The following FSTL5 variants were observed in gnomAD, a reference collection of about 807,000 sequenced individuals.
FSTL5 encodes the protein follistatin-related protein 5.
In FSTL5, 62 loss-of-function variants were observed where a neutral mutation model predicts 89.1. That is an observed-to-expected ratio of 0.70 (90% confidence interval 0.57 to 0.86). The LOEUF is 0.86. Ranked by LOEUF, FSTL5 falls within the 40% of genes least tolerant of loss-of-function variation. The probability of loss-of-function intolerance (pLI) is 0.00; values close to 1 mark genes in which losing one functional copy is unlikely to be tolerated. For missense variants in FSTL5, 1,057 were observed against 1,001.6 expected (o/e 1.06, Z -0.75); for synonymous variants, 383 against 346.2 (o/e 1.11, Z -1.18).
intron 1 of FSTL5, among the ~76,000 whole-genome samples, chr4:162,161,721 T>C (rs180828261): frequency 1.3e-5 from 2 of 152,078 alleles, no homozygotes; most frequent in East Asian, 3.9e-4. Flanking sequence ...AATGTTTATA[T>C]ATAGTATGCC....
In FSTL5 at chr4:161,687,836, T is replaced by C. The variant is rs920904630; in HGVS notation, c.728-31342A>G. 2.6e-5 allele frequency among the ~76,000 whole-genome samples: 4 copies of C among 152,306 alleles called. No homozygotes were observed. The South Asian group carries it at 8.3e-4, about 32-fold the overall frequency. The stretch of plus-strand genomic sequence containing the variant: ...CCCCAAAACTCACAAGTTGGAAACC[T>C]ATTTCACAATGCAACAGTGCTGGAA... On this transcript the variant is annotated intron_variant, in intron 6 of 15. Transcript: ENST00000306100.
intron 3 of FSTL5, among the ~76,000 whole-genome samples, chr4:161,943,502 G>GT (rs1341564312): frequency 9.0e-6 from 1 of 110,808 alleles, no homozygotes; most frequent in East Asian, 3.0e-4. Context: ...ACTCCTATAA[G>GT]TTTTTTATTG....
intron 4 of FSTL5, among the ~76,000 whole-genome samples, chr4:161,776,970 T>C (rs914429660): frequency 4.6e-5 from 7 of 151,908 alleles, no homozygotes; most frequent in African/African-American, 1.7e-4. Context: ...ATCTTATTCC[T>C]TCTAACTGTA....
intron 6 of FSTL5, among the ~76,000 whole-genome samples, chr4:161,754,979 A>G (rs1297201024): frequency 5.9e-5 from 9 of 152,116 alleles, no homozygotes; most frequent in African/African-American, 2.2e-4. Context: ...TTGTCCTGGA[A>G]AATGAACACA....
At chr4:161,500,283 T>A in intron 11 of FSTL5, 149 bp from the exon 12 acceptor site, 2 of 562,356 alleles carry the variant, frequency 3.6e-6, no homozygotes, top group Non-Finnish European at 6.2e-6. Context: ...ACCCTTACTG[T>A]ATACTCGCAC....
chr4:162,017,142 C>T (rs891678280), intron 3 of FSTL5, among the ~76,000 whole-genome samples: 3 of 152,094 alleles, frequency 2.0e-5, no homozygotes, highest in Non-Finnish European at 4.4e-5. Context: ...TGCAAGTACC[C>T]CTGTGGTTAC....
rs184264339 is a variant in FSTL5, at chr4:161,384,919, A to T, written c.*828T>A. 6.6e-6 allele frequency: 1 copy of T among 152,334 alleles called. No individual in the cohort carries two copies. The highest frequency in any genetic ancestry group is 1.9e-4 in the East Asian group (1 of 5,182). 9.4% of individuals were successfully genotyped at this position (152,334 alleles called of 1,614,324 possible). On this transcript the variant is annotated 3_prime_UTR_variant, in exon 16 of 16. Coordinates refer to ENST00000306100, the MANE Select transcript of FSTL5 (RefSeq NM_020116.5). ...ATAATCTATTCTGCTAGTAATAAACATCTGTAGGCAGTTGACATCCCAGAC... is the reference window on the plus strand; with the variant it reads ...ATAATCTATTCTGCTAGTAATAAACTTCTGTAGGCAGTTGACATCCCAGAC...
chr4:161,593,398 T>C (rs550175070), intron 7 of FSTL5, among the ~76,000 whole-genome samples: 1 of 152,180 alleles, frequency 6.6e-6, no homozygotes, highest in African/African-American at 2.4e-5. Context: ...CTCAAACTGA[T>C]ACCCACTACG....
intron 6 of FSTL5, among the ~76,000 whole-genome samples, chr4:161,748,585 A>C (rs1284638503): frequency 6.7e-6 from 1 of 150,148 alleles, no homozygotes; most frequent in African/African-American, 2.5e-5. Flanking sequence ...GCTGGACTGA[A>C]ATAATGCAAA....
chr4:161,391,743 G>A (rs1279829097), intron 15 of FSTL5, among the ~76,000 whole-genome samples: 1 of 152,162 alleles, frequency 6.6e-6, no homozygotes, highest in South Asian at 2.1e-4. Flanking sequence ...GAAGCAGAGA[G>A]AACTGGAATT....
intron 4 of FSTL5, among the ~76,000 whole-genome samples, chr4:161,777,143 GC>G (rs1741438242): frequency 6.6e-6 from 1 of 151,208 alleles, no homozygotes; most frequent in African/African-American, 2.4e-5. Flanking sequence ...GTCTTTCTAT[GC>G]CTGGTTTATT....
chr4:161,813,067 C>T (rs548747646), intron 4 of FSTL5, among the ~76,000 whole-genome samples: 2 of 149,840 alleles, frequency 1.3e-5, no homozygotes, highest in East Asian at 4.0e-4. Flanking sequence ...CGCGCTGTTG[C>T]CCAGGCTAAA....
intron 15 of FSTL5, among the ~76,000 whole-genome samples, chr4:161,397,243 T>A (rs1731035738): frequency 1.3e-5 from 2 of 152,118 alleles, no homozygotes; most frequent in African/African-American, 4.8e-5. Flanking sequence ...TGTATATGTA[T>A]ATATACATGC....
chr4:161,932,130 G>T (rs534878087), intron 3 of FSTL5, among the ~76,000 whole-genome samples: 2 of 151,778 alleles, frequency 1.3e-5, no homozygotes, highest in African/African-American at 4.8e-5. Context: ...CAAAAAATAG[G>T]GTTCAAGTTG....
intron 4 of FSTL5, among the ~76,000 whole-genome samples, chr4:161,912,741 A>G (rs946110999): frequency 6.6e-6 from 1 of 152,178 alleles, no homozygotes; most frequent in African/African-American, 2.4e-5. Context: ...GGTAAGAGGC[A>G]GAGGTTGGAA....
intron 7 of FSTL5, among the ~76,000 whole-genome samples, chr4:161,632,118 C>T (rs758540548): frequency 6.6e-6 from 1 of 152,130 alleles, no homozygotes; most frequent in Non-Finnish European, 1.5e-5. Context: ...TGGTGGCTCA[C>T]ACCTGTAATC....
chr4:161,452,483 A>G (rs1733200360), intron 15 of FSTL5, among the ~76,000 whole-genome samples: 1 of 152,120 alleles, frequency 6.6e-6, no homozygotes, highest in Non-Finnish European at 1.5e-5. Context: ...CTCAAAAAAA[A>G]AAAAGAAATA....
chr4:161,981,852 C>A (rs1018689180), intron 3 of FSTL5, among the ~76,000 whole-genome samples: 16 of 152,054 alleles, frequency 1.1e-4, no homozygotes, highest in Non-Finnish European at 2.4e-4. Context: ...AGCATACTAC[C>A]TTTACATGTT....
intron 1 of FSTL5, among the ~76,000 whole-genome samples, chr4:162,151,326 T>C (rs1733215791): frequency 6.6e-6 from 1 of 152,058 alleles, no homozygotes; most frequent in Admixed American, 6.6e-5. Flanking sequence ...GTAAGGTATA[T>C]AAATATGAGA....
Sources: gnomAD v4.1 joint callset for allele counts (sites outside exome capture counted in the v4.1 genomes callset) on GRCh38, gnomAD v4.1.1 for gene constraint, MANE v1.5 for transcripts, NCBI Gene and HGNC (gene_info 2026-07-23, HGNC 2026-07-21) for gene names.